PANK4: variants seen among roughly 807,000 people sequenced by gnomAD.
The protein encoded by PANK4 is 4'-phosphopantetheine phosphatase.
A neutral mutation model predicts 87.9 loss-of-function variants in PANK4; 40 were observed. The ratio of observed to expected loss-of-function variants is 0.46; its 90% CI spans 0.35 to 0.59. PANK4 has a LOEUF of 0.59. PANK4 is among the 20% of genes least tolerant of loss of function. The probability of loss-of-function intolerance (pLI) is 0.00; values close to 1 mark genes in which losing one functional copy is unlikely to be tolerated. For missense variants in PANK4, 926 were observed against 1,072.3 expected, an observed-to-expected ratio of 0.86 and a Z score of 1.90; for synonymous variants, 524 against 467.4, an observed-to-expected ratio of 1.12 and a Z score of -1.56.
chr1:2,515,397 T>G lies in PANK4; in HGVS notation c.1374+165A>C, dbSNP rs929383951. 1.4e-5 allele frequency: 11 copies of G among 769,280 alleles called. No homozygotes were observed. The African/African-American group carries it at 1.9e-4, about 13-fold the overall frequency. 47.7% of individuals were successfully genotyped at this position (769,280 alleles called of 1,614,324 possible). On this transcript the variant is annotated intron_variant, in intron 10 of 18. Coordinates refer to ENST00000378466, the MANE Select transcript of PANK4 (RefSeq NM_018216.4). The surrounding 1 kb of genome is among the most constrained non-coding windows in gnomAD (Gnocchi z 5.0). The stretch of plus-strand genomic sequence containing the variant: ...CCACCAGGTGGCCAGGAGCGGTATT[T>G]TTGCCTGAGAAACCAAAATCGCCCC...
chr1:2,513,634 G>A (rs1265282301), intron 12 of PANK4, among the ~76,000 whole-genome samples: 2 of 152,236 alleles, frequency 1.3e-5, no homozygotes, highest in Admixed American at 1.3e-4. Flanking sequence ...TCCCCATGAG[G>A]GGAAAGCAGT....
rs1643862214 is a variant in PANK4 at position 2,520,051 on chromosome 1, A to C, written c.700-97T>G. ...CCCATGGCAGGAGGCACGCGCGGGC[A>C]GGGGGTAAATGGGCCCTCATCGCGT... On this transcript the variant is annotated intron_variant, in intron 5 of 18. Coordinates refer to ENST00000378466, the MANE Select transcript of PANK4 (RefSeq NM_018216.4). This position sits in a 1 kb window ranked among gnomAD's most constrained non-coding sequence, Gnocchi z 6.2. The C allele has an allele frequency of 8.1e-7, 1 of 1,238,002 alleles. No homozygotes were observed. Among genetic ancestry groups the C allele is most frequent in the African/African-American group, 1.5e-5 (1 of 66,430 alleles). The allele number at this position is 1,238,002 out of a possible 1,614,324, so 76.7% of individuals were successfully genotyped here.
At chr1:2,514,254 C>T (rs556029748) in intron 11 of PANK4, 100 bp downstream of exon 11, 107 of 1,155,466 alleles carry the variant, frequency 9.3e-5, no homozygotes, top group Middle Eastern at 4.6e-4. Flanking sequence ...CCACCCCCAG[C>T]GAGCTGGGGT....
In PANK4 at chr1:2,512,930, A is replaced by T; in HGVS notation, c.1685T>A (p.Leu562Gln). 1 of 1,612,790 alleles carries T rather than the reference A, an allele frequency of 6.2e-7. No homozygotes were observed. The highest frequency in any genetic ancestry group is 8.5e-7 in the Non-Finnish European group (1 of 1,179,880). Residue 562 changes from leucine to glutamine, a missense_variant, in exon 13 of 19, where the codon CTG becomes CAG. By Grantham distance (113) the Leu-to-Gln change is moderately radical (BLOSUM62 -2). Coordinates refer to ENST00000378466, the MANE Select transcript of PANK4 (RefSeq NM_018216.4). ...ERQLALVKGL[L>Q]AGNVFDWGAK... is the part of the protein sequence containing the mutation. ...CCCCCAGTCGAAGACATTCCCCGCC[A>T]GGAGGCCTTTCACCAGCGCCAGCTG...
Position 2,515,880 on chromosome 1 carries a change from C to A in PANK4, c.1219-163G>T. 1 of 729,166 alleles carries A rather than the reference C, an allele frequency of 1.4e-6. No individual in the cohort carries two copies. 45.2% of individuals were successfully genotyped at this position (729,166 alleles called of 1,614,324 possible). A position where few individuals can be genotyped will look rare whatever the true frequency, so the allele number is the denominator to read the frequency against. On this transcript the variant is annotated intron_variant, in intron 9 of 18. Transcript: ENST00000378466. This position sits in a 1 kb window ranked among gnomAD's most constrained non-coding sequence, Gnocchi z 5.0. The stretch of plus-strand genomic sequence containing the variant: ...ACCCCCACTGGGCCCCCTCAGCTGC[C>A]CGGCGGCCTGAGCCGGATACCTTGA...
At position 2,520,682 on chromosome 1, in the gene PANK4, G is replaced by C; in HGVS notation, c.606+41C>G. 2.5e-6 allele frequency: 4 copies of C among 1,579,654 alleles called. No individual in the cohort carries two copies. Among genetic ancestry groups the C allele is most frequent in the Non-Finnish European group, 3.5e-6 (4 of 1,153,192 alleles). ...CACAGCGAGGGCTTAACAAACTATGGCTAAACCATCCACTCATTCATTCAT... is the reference window on the plus strand; with the variant it reads ...CACAGCGAGGGCTTAACAAACTATGCCTAAACCATCCACTCATTCATTCAT... On this transcript the variant is annotated intron_variant, in intron 4 of 18. Coordinates refer to ENST00000378466, the MANE Select transcript of PANK4 (RefSeq NM_018216.4). The surrounding 1 kb of genome is among the most constrained non-coding windows in gnomAD (Gnocchi z 6.2).
intron 13 of PANK4, 67 bp from the exon 14 acceptor site, chr1:2,511,750 G>A (rs935352095): frequency 2.1e-6 from 2 of 931,770 alleles, no homozygotes; most frequent in Non-Finnish European, 3.5e-6. Flanking sequence ...AGTGCTCAAT[G>A]TGAAGACCCC....
At chr1:2,511,234 G>C in intron 15 of PANK4, 104 bp downstream of exon 15, 1 of 768,954 alleles carries the variant, frequency 1.3e-6, no homozygotes, top group Non-Finnish European at 2.3e-6. Flanking sequence ...TCTAACAGGA[G>C]GGGAGGGCCA....
chr1:2,515,466 T>G lies in PANK4; in HGVS notation c.1374+96A>C. The stretch of plus-strand genomic sequence containing the variant: ...AAGGGGTTTCTGGACAACACTGGCC[T>G]GTCCCCCTTCGCCACCTTGGCTTTG... On this transcript the variant is annotated intron_variant, in intron 10 of 18. Coordinates refer to ENST00000378466, the MANE Select transcript of PANK4 (RefSeq NM_018216.4). This position sits in a 1 kb window ranked among gnomAD's most constrained non-coding sequence, Gnocchi z 5.0. 3.7e-6 allele frequency: 5 copies of G among 1,350,688 alleles called. No homozygotes were observed. Among genetic ancestry groups the G allele is most frequent in the Non-Finnish European group, 5.3e-6 (5 of 946,820 alleles). 83.7% of individuals were successfully genotyped at this position (1,350,688 alleles called of 1,614,324 possible). A position where few individuals can be genotyped will look rare whatever the true frequency, so the allele number is the denominator to read the frequency against.
Sources: gnomAD v4.1 joint callset for allele counts (sites outside exome capture counted in the v4.1 genomes callset) on GRCh38, gnomAD v4.1.1 for gene constraint, Gnocchi (gnomAD v3.1) non-coding constraint, MANE v1.5 for transcripts, NCBI Gene and HGNC (gene_info 2026-07-23, HGNC 2026-07-21) for gene names.